Variants in KIF19 observed in about 807,000 individuals in gnomAD.
The protein encoded by KIF19 is kinesin family member 19, also known as kinesin-like protein KIF19.
KIF19 carries 98 observed loss-of-function variants against 106.6 expected under a neutral mutation model. The observed-to-expected ratio is 0.92, with a 90% CI of 0.78 to 1.09. The LOEUF is 1.09. KIF19 is among the 50% of genes least tolerant of loss of function. The probability of loss-of-function intolerance (pLI) is 0.00; values close to 1 mark genes in which losing one functional copy is unlikely to be tolerated. For missense variants in KIF19, 1,373 were observed against 1,414.3 expected (o/e 0.97, Z 0.47); for synonymous variants, 516 against 584.2 (o/e 0.88, Z 1.68).
At chr17:74,348,913 G>A in intron 9 of KIF19, 1 of 497,086 alleles carries the variant, frequency 2.0e-6, no homozygotes, top group Non-Finnish European at 3.6e-6. Flanking sequence ...TGCAGGAGCG[G>A]TGAGCCCAGA....
intron 2 of KIF19, among the ~76,000 whole-genome samples, chr17:74,335,391 T>C (rs1387460736): frequency 1.3e-5 from 2 of 152,242 alleles, no homozygotes; most frequent in Non-Finnish European, 2.9e-5. Context: ...TGCAGCCTAG[T>C]AGTGTGACAT....
chr17:74,343,017 G>A lies in KIF19; in HGVS notation c.320-7G>A. 6.4e-7 allele frequency: 1 copy of A among 1,569,190 alleles called. No homozygotes were observed. The highest frequency in any genetic ancestry group is 8.7e-7 in the Non-Finnish European group (1 of 1,152,714). Reference sequence around the variant, plus strand: ...CCCCGGTCACCCTCCACCTTGTTCTGCCCCAGGCTGTGGGAAAACCTACAC... The same window carrying A: ...CCCCGGTCACCCTCCACCTTGTTCTACCCCAGGCTGTGGGAAAACCTACAC... On this transcript the variant is annotated splice_polypyrimidine_tract_variant and splice_region_variant and intron_variant, in intron 4 of 19. Transcript: ENST00000389916.
intron 12 of KIF19, chr17:74,351,152 T>C (rs1348550829): frequency 1.9e-6 from 1 of 534,532 alleles, no homozygotes; most frequent in Non-Finnish European, 3.4e-6. Flanking sequence ...GCCTGGCACA[T>C]ACCAAGGACT....
In KIF19 at chr17:74,350,571, G is replaced by C; in HGVS notation, c.1384G>C (p.Ala462Pro). 2 of 1,612,694 alleles carry C rather than the reference G, an allele frequency of 1.2e-6. No homozygotes were observed. The highest frequency in any genetic ancestry group is 1.7e-6 in the Non-Finnish European group (2 of 1,179,744). The change falls in exon 11 of 20, where the codon GCC becomes CCC. Residue 462 changes from alanine to proline, a missense_variant. By Grantham distance (27) the Ala-to-Pro change is conservative. This residue lies in a region of KIF19 where 1,020 missense variants were observed against 1,008.2 expected (regional missense o/e 1.01). Transcript: ENST00000389916. ...IDTSRHLLTI[A>P]GWKHEKSRRA... ...CACCTCCCGACACCTGCTCACCATC[G>C]CCGGGTAAGCCCCCCTCCCAGGACC... is the stretch of plus-strand genomic sequence containing the variant.
At position 74,344,209 on chromosome 17, in the gene KIF19, A is replaced by T. The variant is rs549122900; in HGVS notation, c.457-14A>T. 1.2e-4 allele frequency: 183 copies of T among 1,572,788 alleles called. 5 individuals carry two copies. In the South Asian group the frequency reaches 2.1e-3, roughly 18 times the overall value. On this transcript the variant is annotated splice_polypyrimidine_tract_variant and intron_variant, in intron 5 of 19. Transcript: ENST00000389916. ...GTCTCCCTTCCCCCACCCCTCCCCC[A>T]CCTGTCCCGTCAGATCTACAATGAG...
At chr17:74,344,096 G>A (rs1315394356) in intron 5 of KIF19, 127 bp from the exon 6 acceptor site, 3 of 882,456 alleles carry the variant, frequency 3.4e-6, no homozygotes, top group Non-Finnish European at 5.1e-6. Flanking sequence ...CTTCTGAGAA[G>A]AGCCTGGGCT....
intron 2 of KIF19, among the ~76,000 whole-genome samples, chr17:74,336,632 T>TC (rs543199975): frequency 1.7e-3 from 257 of 152,100 alleles, no homozygotes; most frequent in South Asian, 3.3e-3. Flanking sequence ...AAGCGGGTAC[T>TC]CCCCCCAGCC....
intron 2 of KIF19, among the ~76,000 whole-genome samples, chr17:74,332,206 GTGTT>G (rs1470772745): frequency 0.023 from 1,115 of 48,216 alleles, 14 homozygotes; most frequent in African/African-American, 0.058. Flanking sequence ...GTGTGTGTGT[GTGTT>G]TGTGTGTGTG....
rs570244557 is a variant in KIF19 at position 74,345,089 on chromosome 17, C to T, written c.777+134C>T. The stretch of plus-strand genomic sequence containing the variant: ...ACAGGTTGGGAGGTGGGGACAGGGA[C>T]GCTGGCATCTCAGCTTCGTAGGAGT... On this transcript the variant is annotated intron_variant, in intron 7 of 19. Transcript: ENST00000389916. The T allele has an allele frequency of 3.2e-4, 271 of 851,072 alleles. 2 individuals carry two copies. The African/African-American group carries it at 3.8e-3, about 12-fold the overall frequency. 52.7% of individuals were successfully genotyped at this position (851,072 alleles called of 1,614,324 possible). A position where few individuals can be genotyped will look rare whatever the true frequency, so the allele number is the denominator to read the frequency against.
At position 74,350,330 on chromosome 17, in the gene KIF19, C is replaced by T. The variant is rs530295082; in HGVS notation, c.1214-71C>T. On this transcript the variant is annotated intron_variant, in intron 10 of 19. Coordinates refer to ENST00000389916, the MANE Select transcript of KIF19 (RefSeq NM_153209.4). ...TTGGGAAGAAAAGGAGGGGAGGGGC[C>T]CAGGTGGGCCCAGGCTTTGCTAGCT... 3.5e-6 allele frequency: 5 copies of T among 1,433,226 alleles called. No homozygotes were observed. In the Admixed American group the frequency reaches 8.9e-5, roughly 25 times the overall value. 88.8% of individuals were successfully genotyped at this position (1,433,226 alleles called of 1,614,324 possible). A position where few individuals can be genotyped will look rare whatever the true frequency, so the allele number is the denominator to read the frequency against.
At chr17:74,342,018 G>A (rs765042545) in intron 3 of KIF19, 32 bp downstream of exon 3, 5 of 1,416,456 alleles carry the variant, frequency 3.5e-6, no homozygotes, top group Non-Finnish European at 1.9e-6. Flanking sequence ...AGACACGCAG[G>A]AGCCCCTCCC....
intron 12 of KIF19, chr17:74,351,136 A>G (rs1212748436): frequency 1.8e-6 from 1 of 566,650 alleles, no homozygotes; most frequent in Non-Finnish European, 3.2e-6. Flanking sequence ...GGAAGATTAC[A>G]TAAATGCCTG....
intron 5 of KIF19, 115 bp downstream of exon 5, chr17:74,343,275 C>T: frequency 9.4e-7 from 1 of 1,062,700 alleles, no homozygotes; most frequent in Non-Finnish European, 1.3e-6. Context: ...ACTGTGAGCT[C>T]CACTTTACAA....
At chr17:74,354,660 C>T (rs2054825586) in intron 18 of KIF19, 101 bp downstream of exon 18, 1 of 1,523,318 alleles carries the variant, frequency 6.6e-7, no homozygotes, top group Non-Finnish European at 8.8e-7. Flanking sequence ...CTAGCCTACC[C>T]CATACCTGGA....
rs2054712208 is a variant in KIF19 at position 74,351,900 on chromosome 17, G to C, written c.1621G>C (p.Ala541Pro). 1 of 1,413,410 alleles carries C rather than the reference G, an allele frequency of 7.1e-7. No homozygotes were observed. Among genetic ancestry groups the C allele is most frequent in the Non-Finnish European group, 9.2e-7 (1 of 1,092,056 alleles). 87.6% of individuals were successfully genotyped at this position (1,413,410 alleles called of 1,614,324 possible). The change falls in exon 13 of 20, where the codon GCG becomes CCG. Residue 541 changes from alanine (A) to proline (P), a missense_variant. By Grantham distance (27) the Ala-to-Pro change is conservative. Around this residue, in one of 3 missense-constraint regions of KIF19, gnomAD observed 1,020 missense variants for 1,008.2 expected, o/e 1.01. Transcript: ENST00000389916. ...GGAGCAGCGCTGCCGGGAGCTGCGC[G>C]CGCGGGGCCGGCGCCTGGAGGAGAC... ...ALEQRCRELR[A>P]RGRRLEETLP...
chr17:74,350,226 G>A (rs2144284504), intron 10 of KIF19, among the ~76,000 whole-genome samples, 175 bp from the exon 11 acceptor site: 1 of 152,322 alleles, frequency 6.6e-6, no homozygotes, highest in Non-Finnish European at 1.5e-5. Context: ...ACTCAATGTG[G>A]GAGTGGGGTC....
rs752911394 is a variant in KIF19, at chr17:74,354,348, C to T, written c.2495C>T (p.Pro832Leu). The T allele has an allele frequency of 4.1e-5, 66 of 1,605,132 alleles. No individual in the cohort carries two copies. Among genetic ancestry groups the T allele is most frequent in the Admixed American group, 5.1e-5 (3 of 59,058 alleles). Residue 832 changes from proline to leucine, a missense_variant, in exon 18 of 20, where the codon CCG (proline) becomes CTG (leucine). This residue lies in a region of KIF19 where 1,020 missense variants were observed against 1,008.2 expected (regional missense o/e 1.01). Coordinates refer to ENST00000389916, the MANE Select transcript of KIF19 (RefSeq NM_153209.4). ...RPPGPLACKR[P>L]PSPTLQHAAS... ...CCAGGCCCACTGGCCTGCAAGCGGCCGCCCAGCCCCACACTACAGCATGCT... is the reference window on the plus strand; with the variant it reads ...CCAGGCCCACTGGCCTGCAAGCGGCTGCCCAGCCCCACACTACAGCATGCT...
At chr17:74,351,742 G>A in intron 12 of KIF19, 125 bp from the exon 13 acceptor site, 4 of 1,107,392 alleles carry the variant, frequency 3.6e-6, no homozygotes, top group Non-Finnish European at 4.8e-6. Flanking sequence ...AGCTTTTAGG[G>A]TTGGCCTCAG....
chr17:74,328,542 G>C (rs1385605769), intron 2 of KIF19, 37 bp downstream of exon 2: 6 of 1,554,996 alleles, frequency 3.9e-6, no homozygotes, highest in Non-Finnish European at 1.7e-6. Flanking sequence ...GCAGGGCAGA[G>C]GTCTGCTCAG....
Sources: allele counts gnomAD v4.1 joint callset (sites outside exome capture counted in the v4.1 genomes callset), GRCh38; gene constraint gnomAD v4.1.1; regional missense constraint gnomAD v4.1.1; transcripts MANE v1.5; gene names NCBI Gene and HGNC (gene_info 2026-07-23, HGNC 2026-07-21).